SH3PXD2B: variants seen among roughly 807,000 people sequenced by gnomAD.
SH3PXD2B encodes the protein SH3 and PX domains 2B.
In SH3PXD2B, 37 loss-of-function variants were observed where a neutral mutation model predicts 73.1. The observed-to-expected ratio is 0.51, with a 90% confidence interval of 0.39 to 0.67. SH3PXD2B has a LOEUF of 0.67. SH3PXD2B is among the 30% of genes least tolerant of loss of function. The pLI, the probability that SH3PXD2B is intolerant of heterozygous loss-of-function variation, is 0.00. For synonymous variants in SH3PXD2B, 457 were observed against 480.5 expected, an observed-to-expected ratio of 0.95 and a Z score of 0.64; for missense variants, 1,053 against 1,197.8, an observed-to-expected ratio of 0.88 and a Z score of 1.78.
intron 2 of SH3PXD2B, among the ~76,000 whole-genome samples, chr5:172,414,665 C>T (rs1042175844): frequency 3.3e-5 from 5 of 152,148 alleles, no homozygotes; most frequent in Non-Finnish European, 5.9e-5. Context: ...CGCTCTGGCA[C>T]AGCGTGCGGA....
chr5:172,383,616 T>A (rs779585063), intron 4 of SH3PXD2B, among the ~76,000 whole-genome samples: 94 of 152,210 alleles, frequency 6.2e-4, no homozygotes, highest in Non-Finnish European at 1.3e-3. Context: ...GGTTCACGCA[T>A]ACATTTTGTT....
chr5:172,370,322 C>T (rs1233650595), intron 6 of SH3PXD2B, among the ~76,000 whole-genome samples: 2 of 152,248 alleles, frequency 1.3e-5, no homozygotes, highest in East Asian at 1.9e-4. Context: ...GATGGTGGCA[C>T]AGTTGCACCA....
chr5:172,437,976 G>A (rs1759433641), intron 1 of SH3PXD2B, among the ~76,000 whole-genome samples: 1 of 152,090 alleles, frequency 6.6e-6, no homozygotes, highest in South Asian at 2.1e-4. Flanking sequence ...CATTCATTTG[G>A]CATATACACA....
intron 4 of SH3PXD2B, among the ~76,000 whole-genome samples, chr5:172,391,182 C>A (rs115609711): frequency 0.062 from 9,356 of 152,060 alleles, 431 homozygotes; most frequent in African/African-American, 0.14. Flanking sequence ...TCTATGTTCT[C>A]ACCATCACTT....
At position 172,441,659 on chromosome 5, in the gene SH3PXD2B, G is replaced by C. The variant is rs139773805; in HGVS notation, c.75+12619C>G. On this transcript the variant is annotated intron_variant, in intron 1 of 12. Transcript: ENST00000311601. ...GGTGAGGTAACGGAAGGGTTGCCGA[G>C]AAACAGGCCAACTAGGCTGGTCTAG... is the stretch of plus-strand genomic sequence containing the variant. 1.3e-3 allele frequency among the ~76,000 whole-genome samples: 195 copies of C among 152,266 alleles called. 1 individual carries two copies. The highest frequency in any genetic ancestry group is 0.012 in the Admixed American group (185 of 15,304).
intron 12 of SH3PXD2B, among the ~76,000 whole-genome samples, chr5:172,345,656 G>C (rs1365548318): frequency 6.6e-6 from 1 of 152,222 alleles, no homozygotes; most frequent in South Asian, 2.1e-4. Context: ...TGCAGGAAGA[G>C]AATCTGGGGA....
At chr5:172,325,286 A>G (rs967147029) in exon 13 of SH3PXD2B, 69 of 1,534,638 alleles carry the variant, frequency 4.5e-5, no homozygotes, top group Admixed American at 2.6e-4. Flanking sequence ...TCACATCTCC[A>G]TGGAAGCTGC....
At chr5:172,355,780 G>A (rs1190570734) in intron 8 of SH3PXD2B, among the ~76,000 whole-genome samples, 2 of 151,998 alleles carry the variant, frequency 1.3e-5, no homozygotes, top group Non-Finnish European at 2.9e-5. Flanking sequence ...TCCTGACCTC[G>A]TGATCCGCCC....
At chr5:172,357,401 G>C (rs1015451302) in intron 8 of SH3PXD2B, among the ~76,000 whole-genome samples, 3 of 151,724 alleles carry the variant, frequency 2.0e-5, no homozygotes, top group Non-Finnish European at 4.4e-5. Context: ...TCCAGCCTGG[G>C]AGACAGAGCA....
chr5:172,389,568 C>CAAAAAA (rs34351709), intron 4 of SH3PXD2B, among the ~76,000 whole-genome samples: 2 of 103,582 alleles, frequency 1.9e-5, no homozygotes, highest in African/African-American at 3.8e-5. Context: ...TCATCTCTAC[C>CAAAAAA]AAAAAAAAAA....
intron 8 of SH3PXD2B, among the ~76,000 whole-genome samples, chr5:172,357,363 G>A (rs1251075629): frequency 6.6e-6 from 1 of 151,718 alleles, no homozygotes; most frequent in Non-Finnish European, 1.5e-5. Context: ...GGCGGAGGTC[G>A]CAGTGAGCCG....
intron 2 of SH3PXD2B, among the ~76,000 whole-genome samples, chr5:172,414,259 A>T (rs1179619481): frequency 1.3e-5 from 2 of 152,006 alleles, no homozygotes; most frequent in East Asian, 3.9e-4. Context: ...GCTTGAGGCC[A>T]GGAGTTCAAT....
At chr5:172,419,392 G>C (rs1172491843) in intron 2 of SH3PXD2B, among the ~76,000 whole-genome samples, 9 of 152,194 alleles carry the variant, frequency 5.9e-5, no homozygotes, top group African/African-American at 2.2e-4. Context: ...ACAGCTGACA[G>C]GCTCAGCAGT....
intron 4 of SH3PXD2B, among the ~76,000 whole-genome samples, chr5:172,384,025 T>C (rs912076703): frequency 4.6e-5 from 7 of 152,048 alleles, no homozygotes; most frequent in Non-Finnish European, 1.0e-4. Context: ...TTTTTATATT[T>C]TAGTAGAGAT....
rs912066943 is a variant in SH3PXD2B, at chr5:172,338,225, C to T, written c.*144G>A. 1.9e-6 allele frequency: 3 copies of T among 1,545,596 alleles called. No individual in the cohort carries two copies. The highest frequency in any genetic ancestry group is 2.6e-6 in the Non-Finnish European group (3 of 1,147,138). On this transcript the variant is annotated 3_prime_UTR_variant, in exon 13 of 13. Transcript: ENST00000311601. The surrounding 1 kb of genome is among the most constrained non-coding windows in gnomAD (Gnocchi z 5.1). ...CCCGAGGTGTCCGAAACTCACTCTC[C>T]ACCCATGGGAGGCAAGAAGTCACAG...
In SH3PXD2B at chr5:172,335,428, C is replaced by G; in HGVS notation, c.*2941G>C. 7 of 1,188,230 alleles carry G rather than the reference C, an allele frequency of 5.9e-6. No homozygotes were observed. Among genetic ancestry groups the G allele is most frequent in the Non-Finnish European group, 7.2e-6 (7 of 969,186 alleles). 73.6% of individuals were successfully genotyped at this position (1,188,230 alleles called of 1,614,324 possible). A position where few individuals can be genotyped will look rare whatever the true frequency, so the allele number is the denominator to read the frequency against. ...GTCATGGACACGAGGGAAAGAACAA[C>G]AACAACAAAACCAAACAAACCCAAA... On this transcript the variant is annotated 3_prime_UTR_variant, in exon 13 of 13. Coordinates refer to ENST00000311601, the MANE Select transcript of SH3PXD2B (RefSeq NM_001017995.3).
chr5:172,379,331 A>G (rs991752237), intron 5 of SH3PXD2B, among the ~76,000 whole-genome samples: 1 of 151,260 alleles, frequency 6.6e-6, no homozygotes, highest in Non-Finnish European at 1.5e-5. Flanking sequence ...AAAAAAAAAA[A>G]AAGAAGAGAC....
chr5:172,360,719 C>A (rs541089459), intron 7 of SH3PXD2B, among the ~76,000 whole-genome samples: 1 of 152,142 alleles, frequency 6.6e-6, no homozygotes, highest in East Asian at 1.9e-4. Context: ...GTAGTCCCAG[C>A]TGCTTGGGAG....
chr5:172,436,719 G>A (rs1201981705), intron 1 of SH3PXD2B, among the ~76,000 whole-genome samples: 2 of 152,208 alleles, frequency 1.3e-5, no homozygotes, highest in Non-Finnish European at 2.9e-5. Context: ...TGCACGGAGG[G>A]GCTAGGGCTT....
Sources: gnomAD v4.1 joint callset for allele counts (sites outside exome capture counted in the v4.1 genomes callset) on GRCh38, gnomAD v4.1.1 for gene constraint, Gnocchi (gnomAD v3.1) non-coding constraint, MANE v1.5 for transcripts, NCBI Gene and HGNC (gene_info 2026-07-23, HGNC 2026-07-21) for gene names.